The following CPNE4 variants were observed in gnomAD, a reference collection of about 807,000 sequenced individuals.
CPNE4 encodes copine 4, also known as copine-4.
A neutral mutation model predicts 67.9 loss-of-function variants in CPNE4; 25 were observed. That is an observed-to-expected ratio of 0.37 (90% CI 0.27 to 0.51). The LOEUF (loss-of-function observed/expected upper bound fraction) is 0.51. CPNE4 is among the 20% of genes least tolerant of loss of function. The probability of loss-of-function intolerance (pLI) is 0.93; values close to 1 mark genes in which losing one functional copy is unlikely to be tolerated. For missense variants in CPNE4, 464 were observed against 690.8 expected, an observed-to-expected ratio of 0.67 and a Z score of 3.68; for synonymous variants, 242 against 244.9, an observed-to-expected ratio of 0.99 and a Z score of 0.11.
chr3:131,792,617 A>G (rs867893779), intron 2 of CPNE4, among the ~76,000 whole-genome samples: 6,435 of 97,768 alleles, frequency 0.066, 698 homozygotes, highest in East Asian at 0.11. Flanking sequence ...GTGTGTATAT[A>G]TGTATATATA....
intron 1 of CPNE4, among the ~76,000 whole-genome samples, chr3:131,983,446 TC>T (rs2072961014): frequency 6.6e-6 from 1 of 152,194 alleles, no homozygotes; most frequent in Non-Finnish European, 1.5e-5. Context: ...TTACTGGATA[TC>T]CTAATTAATA....
chr3:131,690,976 G>C (rs1017720398), intron 5 of CPNE4, among the ~76,000 whole-genome samples: 6 of 152,180 alleles, frequency 3.9e-5, no homozygotes, highest in Non-Finnish European at 8.8e-5. Flanking sequence ...CTGATTGTGA[G>C]AGAAATGCAA....
intron 11 of CPNE4, among the ~76,000 whole-genome samples, chr3:131,556,336 A>G (rs981064617): frequency 3.3e-5 from 5 of 152,088 alleles, no homozygotes; most frequent in Admixed American, 3.3e-4. Context: ...AGAATGCACC[A>G]TTGCACTCCA....
chr3:131,746,167 T>C (rs1346751636), intron 2 of CPNE4, among the ~76,000 whole-genome samples: 3 of 152,116 alleles, frequency 2.0e-5, no homozygotes, highest in Non-Finnish European at 1.5e-5. Context: ...TAAGTGTACA[T>C]ATTTATGGGG....
At chr3:131,842,125 G>A (rs1204685593) in intron 2 of CPNE4, among the ~76,000 whole-genome samples, 2 of 152,194 alleles carry the variant, frequency 1.3e-5, no homozygotes, top group Non-Finnish European at 2.9e-5. Flanking sequence ...AAACAGAAAT[G>A]GCAGAATGGC....
intron 10 of CPNE4, 85 bp from the exon 11 acceptor site, chr3:131,564,434 C>T: frequency 7.4e-7 from 1 of 1,347,434 alleles, no homozygotes; most frequent in South Asian, 1.4e-5. Context: ...GAGACCTGGC[C>T]TCGGGTCAAA....
chr3:131,947,471 G>C (rs547943917), intron 1 of CPNE4, among the ~76,000 whole-genome samples: 1 of 152,160 alleles, frequency 6.6e-6, no homozygotes, highest in South Asian at 2.1e-4. Flanking sequence ...TCACTTATGA[G>C]TGAGAACATG....
intron 5 of CPNE4, among the ~76,000 whole-genome samples, chr3:131,686,191 C>T (rs911333855): frequency 6.6e-6 from 1 of 152,110 alleles, no homozygotes; most frequent in Non-Finnish European, 1.5e-5. Flanking sequence ...TGAGATCCAC[C>T]CTTGGCTAGA....
intron 2 of CPNE4, among the ~76,000 whole-genome samples, chr3:131,748,735 T>A: frequency 6.6e-6 from 1 of 152,102 alleles, no homozygotes; most frequent in African/African-American, 2.4e-5. Flanking sequence ...GTCTAAATTG[T>A]CAAATTTATG....
intron 7 of CPNE4, among the ~76,000 whole-genome samples, chr3:131,609,181 T>C (rs1014192860): frequency 6.6e-6 from 1 of 152,194 alleles, no homozygotes; most frequent in Admixed American, 6.5e-5. Flanking sequence ...GCTAGCTCCA[T>C]GGGGCTGCAA....
At chr3:131,668,520 C>G (rs182356834) in intron 7 of CPNE4, among the ~76,000 whole-genome samples, 47 of 152,240 alleles carry the variant, frequency 3.1e-4, no homozygotes, top group African/African-American at 1.1e-3. Flanking sequence ...CAGGCAATAA[C>G]AGCAACCTTC....
At chr3:131,643,645 G>A (rs910955724) in intron 7 of CPNE4, among the ~76,000 whole-genome samples, 5 of 152,182 alleles carry the variant, frequency 3.3e-5, no homozygotes, top group African/African-American at 1.2e-4. Context: ...TAGTTTGGCT[G>A]TGTTGCCACT....
intron 1 of CPNE4, among the ~76,000 whole-genome samples, chr3:131,933,118 G>C (rs2071120040): frequency 6.6e-6 from 1 of 152,140 alleles, no homozygotes; most frequent in African/African-American, 2.4e-5. Flanking sequence ...GTACCTTGTG[G>C]ACTATGTTGA....
At chr3:131,876,312 C>G (rs902884009) in intron 2 of CPNE4, among the ~76,000 whole-genome samples, 1 of 151,282 alleles carries the variant, frequency 6.6e-6, no homozygotes, top group Non-Finnish European at 1.5e-5. Context: ...AAGGCATGCT[C>G]TTTATTTTTT....
At chr3:131,645,692 G>A (rs1047528067) in intron 7 of CPNE4, among the ~76,000 whole-genome samples, 1 of 152,114 alleles carries the variant, frequency 6.6e-6, no homozygotes, top group Non-Finnish European at 1.5e-5. Context: ...ATATCTGACT[G>A]CCCTGATTAT....
intron 2 of CPNE4, among the ~76,000 whole-genome samples, chr3:131,801,448 G>GTATATATATATATATA (rs1468625662): frequency 3.3e-5 from 2 of 59,848 alleles, no homozygotes; most frequent in African/African-American, 1.5e-4. Context: ...GTGTGTGTGT[G>GTATATATATATATATA]TGTGTATATA....
At chr3:131,892,758 A>C (rs1056922104) in intron 2 of CPNE4, among the ~76,000 whole-genome samples, 2 of 152,096 alleles carry the variant, frequency 1.3e-5, no homozygotes, top group Non-Finnish European at 1.5e-5. Context: ...ATCAGCTTAA[A>C]ATCGTCTATT....
At chr3:131,639,751 A>G (rs1276770350) in intron 7 of CPNE4, among the ~76,000 whole-genome samples, 1 of 152,192 alleles carries the variant, frequency 6.6e-6, no homozygotes, top group Non-Finnish European at 1.5e-5. Context: ...AGATGCAAAA[A>G]TCTTCAACAA....
chr3:131,588,562 C>T (rs991425881), intron 7 of CPNE4, among the ~76,000 whole-genome samples: 5 of 152,142 alleles, frequency 3.3e-5, no homozygotes, highest in East Asian at 3.8e-4. Flanking sequence ...TCCCACTGGC[C>T]GGTCTTGCCT....
Sources: gnomAD v4.1 joint callset for allele counts (sites outside exome capture counted in the v4.1 genomes callset) on GRCh38, gnomAD v4.1.1 for gene constraint, MANE v1.5 for transcripts, NCBI Gene and HGNC (gene_info 2026-07-23, HGNC 2026-07-21) for gene names.